FBXO28: variants seen among roughly 807,000 people sequenced by gnomAD.
FBXO28 encodes the protein F-box only protein 28.
FBXO28 carries 8 observed loss-of-function variants against 38.1 expected under a neutral mutation model. The ratio of observed to expected loss-of-function variants is 0.21; its 90% CI spans 0.12 to 0.38. FBXO28 has a LOEUF of 0.38. Ranked by LOEUF, FBXO28 falls within the 10% of genes least tolerant of loss-of-function variation. The pLI is 1.00. For synonymous variants in FBXO28, 168 were observed against 173.8 expected (o/e 0.97, Z 0.26); for missense variants, 345 against 460.6 (o/e 0.75, Z 2.30).
At chr1:224,151,774 GGCTCACACCTGTAATCCC>G (rs1657652824) in intron 3 of FBXO28, among the ~76,000 whole-genome samples, 2 of 152,134 alleles carry the variant, frequency 1.3e-5, no homozygotes, top group African/African-American at 2.4e-5. Context: ...CGGGCATGGT[GGCTCACACCTGTAATCCC>G]AGCACTTTGG....
intron 1 of FBXO28, among the ~76,000 whole-genome samples, chr1:224,124,554 A>T (rs1319007232): frequency 1.3e-5 from 2 of 152,204 alleles, no homozygotes; most frequent in African/African-American, 4.8e-5. Context: ...AAATTATTAA[A>T]ATACTCCTAA....
intron 1 of FBXO28, among the ~76,000 whole-genome samples, chr1:224,118,302 GA>G (rs35541654): frequency 0.93 from 141,028 of 151,936 alleles, 66,248 homozygotes; most frequent in Non-Finnish European, 1. Flanking sequence ...TATAAAAAGG[GA>G]AAAAAAATTA....
intron 2 of FBXO28, chr1:224,130,830 A>C: frequency 2.6e-6 from 1 of 383,064 alleles, no homozygotes; most frequent in South Asian, 3.3e-5. Flanking sequence ...AAAAGAAGAA[A>C]TAGAACTCTC....
intron 3 of FBXO28, among the ~76,000 whole-genome samples, chr1:224,146,855 G>A (rs938985337): frequency 4.0e-5 from 6 of 151,360 alleles, no homozygotes; most frequent in Admixed American, 1.3e-4. Flanking sequence ...CTATAGGCAC[G>A]TGCCACCATG....
intron 4 of FBXO28, among the ~76,000 whole-genome samples, chr1:224,155,066 T>G (rs1024175144): frequency 2.6e-5 from 4 of 152,230 alleles, no homozygotes; most frequent in Admixed American, 6.5e-5. Context: ...ATATTCATTT[T>G]TTAAAAAACA....
intron 3 of FBXO28, among the ~76,000 whole-genome samples, chr1:224,151,423 A>G (rs1657644832): frequency 6.6e-6 from 1 of 152,228 alleles, no homozygotes; most frequent in Non-Finnish European, 1.5e-5. Context: ...GCTGACATTT[A>G]TTAAGCATAC....
intron 3 of FBXO28, among the ~76,000 whole-genome samples, chr1:224,137,217 T>C (rs1170313471): frequency 6.6e-6 from 1 of 151,814 alleles, no homozygotes; most frequent in East Asian, 1.9e-4. Flanking sequence ...TGTACCAAAA[T>C]TTTGGACCTT....
intron 1 of FBXO28, among the ~76,000 whole-genome samples, chr1:224,116,699 G>C (rs367848228): frequency 1.3e-5 from 2 of 152,224 alleles, no homozygotes; most frequent in South Asian, 4.1e-4. Flanking sequence ...ATCTAATGTA[G>C]ACAATAAATA....
At chr1:224,128,779 A>G (rs1344661894) in intron 1 of FBXO28, among the ~76,000 whole-genome samples, 2 of 151,946 alleles carry the variant, frequency 1.3e-5, no homozygotes, top group Non-Finnish European at 2.9e-5. Context: ...TGAGCCCAGG[A>G]ATTTAAGACC....
intron 3 of FBXO28, among the ~76,000 whole-genome samples, chr1:224,151,101 ATCT>A (rs1416140610): frequency 3.3e-5 from 5 of 152,184 alleles, no homozygotes; most frequent in Admixed American, 3.3e-4. Flanking sequence ...GAAAGGGGTT[ATCT>A]TCTTCTAAAG....
chr1:224,161,350 T>C lies in FBXO28; in HGVS notation c.*3604T>C, dbSNP rs912330535. On this transcript the variant is annotated 3_prime_UTR_variant, in exon 5 of 5. Transcript: ENST00000366862. ...ACTTACCAAACTCTCTAAAAACATA[T>C]ACTGTGAGTAAGATTTGAAGCCAGG... The C allele has an allele frequency of 4.6e-5, 7 of 152,186 alleles. No individual in the cohort carries two copies. The highest frequency in any genetic ancestry group is 9.7e-5 in the African/African-American group (4 of 41,436). The allele number at this position is 152,186 out of a possible 1,614,324, so 9.4% of individuals were successfully genotyped here.
rs1462541240 is a variant in FBXO28, at chr1:224,139,195, A to G, written c.516+4983A>G. Among the ~76,000 whole-genome samples, 4 of 151,828 alleles carry G rather than the reference A, an allele frequency of 2.6e-5. No individual in the cohort carries two copies. The East Asian group carries it at 7.7e-4, about 29-fold the overall frequency. On this transcript the variant is annotated intron_variant, in intron 3 of 4. Transcript: ENST00000366862. Reference sequence around the variant, plus strand: ...ACAGTATAATTGACTACATAAGGCCATGAAGCTATATTTCCCTGAACAGAC... The same window carrying G: ...ACAGTATAATTGACTACATAAGGCCGTGAAGCTATATTTCCCTGAACAGAC...
At chr1:224,142,026 A>C in intron 3 of FBXO28, among the ~76,000 whole-genome samples, 1 of 146,222 alleles carries the variant, frequency 6.8e-6, no homozygotes. Context: ...AGTACCTGGG[A>C]CTCTACAGGC....
intron 3 of FBXO28, among the ~76,000 whole-genome samples, chr1:224,140,908 T>C (rs886715588): frequency 6.7e-6 from 1 of 148,702 alleles, no homozygotes; most frequent in African/African-American, 2.5e-5. Flanking sequence ...ATCGTACCAC[T>C]GCACTCCAGC....
At chr1:224,156,766 G>A (rs999728645) in intron 4 of FBXO28, among the ~76,000 whole-genome samples, 1 of 150,944 alleles carries the variant, frequency 6.6e-6, no homozygotes, top group Non-Finnish European at 1.5e-5. Context: ...TCGGGAGGCC[G>A]AGGCAGGCAG....
chr1:224,142,206 G>A (rs997575258), intron 3 of FBXO28, among the ~76,000 whole-genome samples: 4 of 151,826 alleles, frequency 2.6e-5, no homozygotes, highest in African/African-American at 9.7e-5. Context: ...GCAAAAATTA[G>A]CCAGGCGTGG....
At chr1:224,130,402 C>T (rs1355022555) in intron 1 of FBXO28, 70 bp from the exon 2 acceptor site, 4 of 982,188 alleles carry the variant, frequency 4.1e-6, no homozygotes, top group Non-Finnish European at 6.5e-6. Context: ...AGCTTTAAGC[C>T]ATCAGTTATG....
chr1:224,129,334 C>A (rs1204804968), intron 1 of FBXO28, among the ~76,000 whole-genome samples: 1 of 152,086 alleles, frequency 6.6e-6, no homozygotes, highest in African/African-American at 2.4e-5. Context: ...GAGTGAAACT[C>A]CATCTCAAAA....
At chr1:224,143,414 G>C in intron 3 of FBXO28, among the ~76,000 whole-genome samples, 1 of 152,136 alleles carries the variant, frequency 6.6e-6, no homozygotes, top group Non-Finnish European at 1.5e-5. Context: ...GTGTGGGTGT[G>C]AGGGTGCCCT....
Sources: gnomAD v4.1 joint callset for allele counts (sites outside exome capture counted in the v4.1 genomes callset) on GRCh38, gnomAD v4.1.1 for gene constraint, MANE v1.5 for transcripts, NCBI Gene and HGNC (gene_info 2026-07-23, HGNC 2026-07-21) for gene names.